Variants in FGF7 observed in about 807,000 individuals in gnomAD.
FGF7 encodes the protein fibroblast growth factor 7, also known as FGF-7.
FGF7 carries 6 observed loss-of-function variants against 20.5 expected under a neutral mutation model. That is an observed-to-expected ratio of 0.29 (90% CI 0.16 to 0.58). The LOEUF is 0.58. Ranked by LOEUF, FGF7 falls within the 20% of genes least tolerant of loss-of-function variation. FGF7 has a pLI of 0.90. For missense variants in FGF7, 144 were observed against 228.8 expected (o/e 0.63, Z 2.39); for synonymous variants, 64 against 74.7 (o/e 0.86, Z 0.74).
intron 2 of FGF7, among the ~76,000 whole-genome samples, chr15:49,480,574 T>C (rs1482471184): frequency 1.3e-5 from 2 of 150,796 alleles, no homozygotes; most frequent in Admixed American, 6.7e-5. Context: ...CTCCGCCTTC[T>C]GGGTTCATGC....
intron 2 of FGF7, among the ~76,000 whole-genome samples, chr15:49,467,003 G>A (rs1268849184): frequency 6.6e-6 from 1 of 152,114 alleles, no homozygotes; most frequent in African/African-American, 2.4e-5. Context: ...CCATGCTGAT[G>A]ACCAGCATGA....
At chr15:49,456,328 G>T (rs74012382) in intron 2 of FGF7, among the ~76,000 whole-genome samples, 3,716 of 152,108 alleles carry the variant, frequency 0.024, 180 homozygotes, top group African/African-American at 0.086. Context: ...TTTAGAAGTT[G>T]AAAGAAATAA....
chr15:49,441,745 C>T (rs1181319217), intron 2 of FGF7, among the ~76,000 whole-genome samples: 1 of 151,414 alleles, frequency 6.6e-6, no homozygotes. Flanking sequence ...CTTTATTACA[C>T]ATTTTCATAA....
intron 2 of FGF7, among the ~76,000 whole-genome samples, chr15:49,474,812 T>C (rs937139735): frequency 1.3e-5 from 2 of 152,090 alleles, no homozygotes; most frequent in African/African-American, 4.8e-5. Flanking sequence ...GGGATCTAGG[T>C]TGCGTGCTCC....
Position 49,440,824 on chromosome 15 carries a change from G to C in FGF7, c.286+16241G>C, listed in dbSNP as rs140828868. On this transcript the variant is annotated intron_variant, in intron 2 of 3. Coordinates refer to ENST00000267843, the MANE Select transcript of FGF7 (RefSeq NM_002009.4). ...CAATGCTCTTTCCACCCATTGAGTT[G>C]TTTTGTTATATAACATTCTGAAGTT... Among the ~76,000 whole-genome samples the C allele has an allele frequency of 2.0e-3, 297 of 151,708 alleles. 2 individuals are homozygous for C. The highest frequency in any genetic ancestry group is 6.9e-3 in the African/African-American group (285 of 41,470).
intron 2 of FGF7, among the ~76,000 whole-genome samples, chr15:49,470,946 A>T (rs2054684742): frequency 6.6e-6 from 1 of 152,228 alleles, no homozygotes. Flanking sequence ...ACTGCAGCCC[A>T]CCTGGAACAT....
Position 49,484,413 on chromosome 15 carries a change from T to C in FGF7, c.494T>C (p.Val165Ala). 6.3e-7 allele frequency: 1 copy of C among 1,593,632 alleles called. No individual in the cohort carries two copies. The highest frequency in any genetic ancestry group is 8.5e-7 in the Non-Finnish European group (1 of 1,177,888). ...ACACACAACGGAGGGGAAATGTTTG[T>C]TGCCTTAAATCAAAAGGGGATTCCT... ...KWTHNGGEMF[V>A]ALNQKGIPVR... The change falls in exon 4 of 4, where the codon GTT becomes GCT. Residue 165 changes from valine to alanine, a missense_variant. Coordinates refer to ENST00000267843, the MANE Select transcript of FGF7 (RefSeq NM_002009.4).
Position 49,486,278 on chromosome 15 carries a change from G to A in FGF7, c.*1774G>A, listed in dbSNP as rs183604133. On this transcript the variant is annotated 3_prime_UTR_variant, in exon 4 of 4. Transcript: ENST00000267843. Reference sequence around the variant, plus strand: ...TCCTGTGGTTGACCTATACGACCAGGATGTAGAAAACTAGAAAGAACTGCC... The same window carrying A: ...TCCTGTGGTTGACCTATACGACCAGAATGTAGAAAACTAGAAAGAACTGCC... 3 of 152,096 alleles carry A rather than the reference G, an allele frequency of 2.0e-5. No homozygotes were observed. The highest frequency in any genetic ancestry group is 7.2e-5 in the African/African-American group (3 of 41,546). 9.4% of individuals were successfully genotyped at this position (152,096 alleles called of 1,614,324 possible). A position where few individuals can be genotyped will look rare whatever the true frequency, so the allele number is the denominator to read the frequency against.
rs113673163 is a variant in FGF7 at position 49,465,135 on chromosome 15, T to A, written c.287-18016T>A. Reference sequence around the variant, plus strand: ...AGAATGTCCTTCTTAATTTTATTTTTATTTTATTTTTTGAGATGGAGTCTC... The same window carrying A: ...AGAATGTCCTTCTTAATTTTATTTTAATTTTATTTTTTGAGATGGAGTCTC... On this transcript the variant is annotated intron_variant, in intron 2 of 3. Coordinates refer to ENST00000267843, the MANE Select transcript of FGF7 (RefSeq NM_002009.4). Among the ~76,000 whole-genome samples, 464 of 152,172 alleles carry A rather than the reference T, an allele frequency of 3.0e-3. 6 individuals carry two copies. The highest frequency in any genetic ancestry group is 0.011 in the African/African-American group (437 of 41,536).
Position 49,453,170 on chromosome 15 carries a change from C to T in FGF7, c.286+28587C>T, listed in dbSNP as rs536458982. On this transcript the variant is annotated intron_variant, in intron 2 of 3. Coordinates refer to ENST00000267843, the MANE Select transcript of FGF7 (RefSeq NM_002009.4). ...TCCCATTTTATATTCTCTGTAATAACAACTGTATTTTTCTTTTTTTAAAAT... is the reference window on the plus strand; with the variant it reads ...TCCCATTTTATATTCTCTGTAATAATAACTGTATTTTTCTTTTTTTAAAAT... Among the ~76,000 whole-genome samples, 7 of 152,110 alleles carry T rather than the reference C, an allele frequency of 4.6e-5. No homozygotes were observed. The South Asian group carries it at 1.0e-3, about 23-fold the overall frequency.
chr15:49,431,403 T>A (rs2050605599), intron 2 of FGF7, among the ~76,000 whole-genome samples: 1 of 151,828 alleles, frequency 6.6e-6, no homozygotes, highest in Admixed American at 6.6e-5. Flanking sequence ...TCCTTAACTA[T>A]GTGTATGAAA....
intron 2 of FGF7, among the ~76,000 whole-genome samples, chr15:49,438,204 T>C (rs1437822588): frequency 1.3e-5 from 2 of 151,686 alleles, no homozygotes; most frequent in Non-Finnish European, 3.0e-5. Flanking sequence ...CCATAGGCTA[T>C]AAGGAGCCAT....
intron 2 of FGF7, among the ~76,000 whole-genome samples, chr15:49,477,050 ACT>A (rs1215892920): frequency 7.1e-6 from 1 of 140,684 alleles, no homozygotes; most frequent in Non-Finnish European, 1.5e-5. Context: ...ACAAAGCGAG[ACT>A]CTGTCTCGAA....
intron 2 of FGF7, among the ~76,000 whole-genome samples, chr15:49,452,912 A>G (rs537914694): frequency 9.0e-4 from 137 of 152,312 alleles, no homozygotes; most frequent in African/African-American, 3.2e-3. Flanking sequence ...AATATTTTAC[A>G]TATTTCAAAG....
intron 2 of FGF7, among the ~76,000 whole-genome samples, chr15:49,467,331 G>C (rs181696212): frequency 6.6e-6 from 1 of 152,082 alleles, no homozygotes; most frequent in African/African-American, 2.4e-5. Flanking sequence ...GTGCCCTTGT[G>C]ATCACTTTCT....
At chr15:49,471,885 A>T (rs180745960) in intron 2 of FGF7, among the ~76,000 whole-genome samples, 1 of 152,358 alleles carries the variant, frequency 6.6e-6, no homozygotes, top group African/African-American at 2.4e-5. Flanking sequence ...TGACACATGC[A>T]GGAATAAATG....
chr15:49,429,176 T>C (rs371937811), intron 2 of FGF7, among the ~76,000 whole-genome samples: 14 of 152,044 alleles, frequency 9.2e-5, no homozygotes, highest in African/African-American at 3.4e-4. Flanking sequence ...TTTAAAAAAA[T>C]AGATAATAAG....
chr15:49,472,257 C>T (rs1382894570), intron 2 of FGF7, among the ~76,000 whole-genome samples: 3 of 152,164 alleles, frequency 2.0e-5, no homozygotes, highest in Non-Finnish European at 4.4e-5. Context: ...GGAGGAGTGA[C>T]AACTCTGCTC....
At chr15:49,480,474 ATTT>A (rs35283556) in intron 2 of FGF7, among the ~76,000 whole-genome samples, 3 of 100,908 alleles carry the variant, frequency 3.0e-5, no homozygotes, top group Admixed American at 1.3e-4. Context: ...TGCCCAACTA[ATTT>A]TTTTTTTTTT....
Sources: allele counts gnomAD v4.1 joint callset (sites outside exome capture counted in the v4.1 genomes callset), GRCh38; gene constraint gnomAD v4.1.1; transcripts MANE v1.5; gene names NCBI Gene and HGNC (gene_info 2026-07-23, HGNC 2026-07-21).